Variants in AARSD1 observed in about 807,000 individuals in gnomAD.
AARSD1 encodes alanyl-tRNA synthetase domain containing 1, also known as alanyl-tRNA editing protein Aarsd1.
In AARSD1, 44 loss-of-function variants were observed where a neutral mutation model predicts 48.7. That is an observed-to-expected ratio of 0.90 (90% CI 0.71 to 1.16). The LOEUF (loss-of-function observed/expected upper bound fraction) is 1.16. Ranked by LOEUF, AARSD1 falls within the 50% of genes most tolerant of loss-of-function variation. The probability of loss-of-function intolerance (pLI) is 0.00; values close to 1 mark genes in which losing one functional copy is unlikely to be tolerated. For missense variants in AARSD1, 511 were observed against 523.1 expected (o/e 0.98, Z 0.23); for synonymous variants, 189 against 194.9 (o/e 0.97, Z 0.25).
At position 42,964,149 on chromosome 17, in the gene AARSD1, A is replaced by G. The variant is rs752036999; in HGVS notation, c.128T>C (p.Val43Ala). 6.2e-7 allele frequency: 1 copy of G among 1,614,198 alleles called. No individual in the cohort carries two copies. The highest frequency in any genetic ancestry group is 2.2e-5 in the East Asian group (1 of 44,888). Residue 43 changes from valine to alanine, a missense_variant, in exon 2 of 12, where the codon GTG becomes GCG. By Grantham distance (64) the Val-to-Ala change is moderately conservative (BLOSUM62 0). Coordinates refer to ENST00000427569, the MANE Select transcript of AARSD1 (RefSeq NM_001261434.2). Reference protein sequence around the residue: ...GKKEVLSGFQVVLEDTVLFPE... With the variant: ...GKKEVLSGFQAVLEDTVLFPE... ...GAAAAGCACTGTGTCTTCCAGCACC[A>G]CTTGGAAACCGCTCAGCACTTCTTT...
intron 10 of AARSD1, 188 bp from the exon 11 acceptor site, chr17:42,952,082 C>A: frequency 1.7e-6 from 1 of 596,290 alleles, no homozygotes; most frequent in Non-Finnish European, 2.9e-6. Context: ...TTGAGAGCAA[C>A]TATGGGAACT....
intron 10 of AARSD1, among the ~76,000 whole-genome samples, chr17:42,953,134 C>G (rs1376208743): frequency 6.6e-6 from 1 of 152,156 alleles, no homozygotes; most frequent in Non-Finnish European, 1.5e-5. Flanking sequence ...CGCATGCCAC[C>G]ACGCCTAGCT....
Position 42,955,592 on chromosome 17 carries a change from C to G in AARSD1, c.794+250G>C, listed in dbSNP as rs2049538080. On this transcript the variant is annotated intron_variant, in intron 7 of 11. Coordinates refer to ENST00000427569, the MANE Select transcript of AARSD1 (RefSeq NM_001261434.2). ...TAGCTGGGACTACAGGCGCCCACCA[C>G]CATGCCTGGCTAAGTTCTTTTTGTA... 8 of 532,426 alleles carry G rather than the reference C, an allele frequency of 1.5e-5. No homozygotes were observed. In the Admixed American group the frequency reaches 2.4e-4, roughly 16 times the overall value. The allele number at this position is 532,426 out of a possible 1,614,324, so 33.0% of individuals were successfully genotyped here. A position where few individuals can be genotyped will look rare whatever the true frequency, so the allele number is the denominator to read the frequency against.
chr17:42,961,177 C>G lies in AARSD1; in HGVS notation c.331+15G>C. The G allele has an allele frequency of 2.5e-6, 4 of 1,601,770 alleles. No homozygotes were observed. The highest frequency in any genetic ancestry group is 3.4e-5 in the Admixed American group (2 of 58,278). On this transcript the variant is annotated intron_variant, in intron 3 of 11. Transcript: ENST00000427569. ...GCAACTGCTCCGGTGTTATGTCCCCCATCCCAGCCTTTACCTGAATGCTGC... is the reference window on the plus strand; with the variant it reads ...GCAACTGCTCCGGTGTTATGTCCCCGATCCCAGCCTTTACCTGAATGCTGC...
chr17:42,953,578 G>A, intron 10 of AARSD1, 146 bp downstream of exon 10: 1 of 1,005,336 alleles, frequency 9.9e-7, no homozygotes, highest in Non-Finnish European at 1.5e-6. Context: ...CATATAGCTA[G>A]TACTAAGAAA....
intron 2 of AARSD1, among the ~76,000 whole-genome samples, chr17:42,963,361 G>A (rs1180001742): frequency 1.3e-5 from 2 of 151,024 alleles, no homozygotes; most frequent in African/African-American, 4.9e-5. Context: ...CTGAGATCAT[G>A]CCACTGCACT....
In AARSD1 at chr17:42,964,450, C is replaced by G. The variant is rs745326659; in HGVS notation, c.-10G>C. ...GACACCAGAACGCCATACCTGCAGG[C>G]GTGTGAGGAGGCGCACGCGCAGAGA... On this transcript the variant is annotated 5_prime_UTR_variant, in exon 1 of 12. Transcript: ENST00000427569. 2 of 1,550,538 alleles carry G rather than the reference C, an allele frequency of 1.3e-6. No individual in the cohort carries two copies. Among genetic ancestry groups the G allele is most frequent in the African/African-American group, 1.4e-5 (1 of 73,050 alleles).
Position 42,951,911 on chromosome 17 carries a change from G to T in AARSD1, c.1009-17C>A. Reference sequence around the variant, plus strand: ...GAGGGTCTCCTAGGAGGTAAGACAAGGAGATAAGCTCTGATACTGAAGGAT... The same window carrying T: ...GAGGGTCTCCTAGGAGGTAAGACAATGAGATAAGCTCTGATACTGAAGGAT... On this transcript the variant is annotated splice_polypyrimidine_tract_variant and intron_variant, in intron 10 of 11. Coordinates refer to ENST00000427569, the MANE Select transcript of AARSD1 (RefSeq NM_001261434.2). 1 of 1,613,112 alleles carries T rather than the reference G, an allele frequency of 6.2e-7. No homozygotes were observed. Among genetic ancestry groups the T allele is most frequent in the Non-Finnish European group, 8.5e-7 (1 of 1,179,400 alleles).
chr17:42,950,875 T>C (rs2049470859), intron 11 of AARSD1, 147 bp from the exon 12 acceptor site: 3 of 1,351,284 alleles, frequency 2.2e-6, no homozygotes, highest in Non-Finnish European at 2.9e-6. Context: ...CACTTGCACA[T>C]AGGCTGGGCA....
Position 42,964,428 on chromosome 17 carries a change from A to C in AARSD1, c.13T>G (p.Cys5Gly). Residue 5 changes from cysteine (C) to glycine (G), a missense_variant, in exon 1 of 12, where the codon TGT becomes GGT. Transcript: ENST00000427569. MAFW[C>G]QRDSYAREFT... ...TCTCGGGCATAACTGTCACGCTGAC[A>C]CCAGAACGCCATACCTGCAGGCGTG... 2 of 1,550,834 alleles carry C rather than the reference A, an allele frequency of 1.3e-6. No homozygotes were observed. Among genetic ancestry groups the C allele is most frequent in the Non-Finnish European group, 1.7e-6 (2 of 1,147,038 alleles).
At chr17:42,952,172 A>T in intron 10 of AARSD1, 1 of 426,104 alleles carries the variant, frequency 2.3e-6, no homozygotes, top group Middle Eastern at 6.9e-4. Flanking sequence ...TCACTCTTGC[A>T]AACTTTTCCC....
At chr17:42,959,038 A>C (rs1200078259) in intron 3 of AARSD1, among the ~76,000 whole-genome samples, 1 of 148,112 alleles carries the variant, frequency 6.8e-6, no homozygotes, top group African/African-American at 2.5e-5. Flanking sequence ...CTCTACTAAA[A>C]ATACAAAAAT....
intron 3 of AARSD1, among the ~76,000 whole-genome samples, chr17:42,960,018 C>A (rs2049611704): frequency 6.6e-6 from 1 of 152,034 alleles, no homozygotes; most frequent in Non-Finnish European, 1.5e-5. Context: ...CGCCTGTAAT[C>A]TCAGCACATT....
intron 2 of AARSD1, among the ~76,000 whole-genome samples, chr17:42,962,571 T>C (rs1215020512): frequency 6.6e-6 from 1 of 152,162 alleles, no homozygotes; most frequent in East Asian, 1.9e-4. Flanking sequence ...AGAAATGCTG[T>C]CTAAAATGAG....
Position 42,956,243 on chromosome 17 carries a change from CAT to C in AARSD1, c.622_623del (p.Met208ValfsTer11). ...VVNIEGVDSN[M>X]CCGTHVSNLS... The stretch of plus-strand genomic sequence containing the variant: ...GATTGCTCACATGGGTCCCACAGCA[CAT>C]GTTGGAATCAACGCCCTCGATGTTA... On this transcript the variant is annotated frameshift_variant, in exon 6 of 12. Transcript: ENST00000427569. LOFTEE classifies it high-confidence loss of function. The C allele has an allele frequency of 6.2e-7, 1 of 1,614,156 alleles. No individual in the cohort carries two copies.
chr17:42,957,239 C>T (rs1268282119), intron 3 of AARSD1, 44 bp from the exon 4 acceptor site: 12 of 1,608,928 alleles, frequency 7.5e-6, no homozygotes, highest in Non-Finnish European at 1.0e-5. Context: ...GAGAAGCCTA[C>T]ATACTCCCAC....
At chr17:42,961,040 T>A in intron 3 of AARSD1, 152 bp downstream of exon 3, 1 of 1,291,168 alleles carries the variant, frequency 7.7e-7, no homozygotes, top group East Asian at 2.5e-5. Flanking sequence ...GTTATAACAT[T>A]TAGGATATCC....
At chr17:42,958,726 A>G (rs984653838) in intron 3 of AARSD1, among the ~76,000 whole-genome samples, 4 of 150,156 alleles carry the variant, frequency 2.7e-5, no homozygotes, top group South Asian at 2.1e-4. Flanking sequence ...GCACGCCACC[A>G]TGCCTAATTT....
At chr17:42,958,042 G>A (rs1243770875) in intron 3 of AARSD1, among the ~76,000 whole-genome samples, 1 of 152,140 alleles carries the variant, frequency 6.6e-6, no homozygotes, top group Non-Finnish European at 1.5e-5. Flanking sequence ...AGGCCAGGAT[G>A]CAGCCAGCAA....
Sources: allele counts gnomAD v4.1 joint callset (sites outside exome capture counted in the v4.1 genomes callset), GRCh38; gene constraint gnomAD v4.1.1; transcripts MANE v1.5; gene names NCBI Gene and HGNC (gene_info 2026-07-23, HGNC 2026-07-21).